DYNC1H1: variants seen among roughly 807,000 people sequenced by gnomAD.
DYNC1H1 encodes dynein cytoplasmic 1 heavy chain 1.
A neutral mutation model predicts 527.1 loss-of-function variants in DYNC1H1; 51 were observed. The observed-to-expected ratio is 0.10, with a 90% CI of 0.08 to 0.12. The LOEUF (loss-of-function observed/expected upper bound fraction) is 0.12. DYNC1H1 is among the 10% of genes least tolerant of loss of function. DYNC1H1 has a pLI of 1.00. For missense variants in DYNC1H1, 2,771 were observed against 5,971.8 expected (o/e 0.46, Z 17.66); for synonymous variants, 2,189 against 2,278.8 (o/e 0.96, Z 1.12).
intron 23 of DYNC1H1, 89 bp downstream of exon 23, chr14:102,003,054 G>C: frequency 6.4e-7 from 1 of 1,561,178 alleles, no homozygotes; most frequent in Non-Finnish European, 8.7e-7. Context: ...CTGGGCCTGT[G>C]TTTGTTAGTT....
rs1309179811 is a variant in DYNC1H1 at position 102,040,693 on chromosome 14, T to A, written c.11941+20T>A. On this transcript the variant is annotated intron_variant, in intron 64 of 77. Coordinates refer to ENST00000360184, the MANE Select transcript of DYNC1H1 (RefSeq NM_001376.5). ...CTGCAAGTAAGCCCCACTGTGGTTT[T>A]CTTTCTGGACCTGAATGTAAAGTTG... 1.9e-6 allele frequency: 3 copies of A among 1,613,988 alleles called. No homozygotes were observed. Among genetic ancestry groups the A allele is most frequent in the African/African-American group, 2.7e-5 (2 of 74,922 alleles).
At position 102,003,560 on chromosome 14, in the gene DYNC1H1, C is replaced by T. The variant is rs565535688; in HGVS notation, c.4883+595C>T. Among the ~76,000 whole-genome samples, 3 of 152,306 alleles carry T rather than the reference C, an allele frequency of 2.0e-5. No individual in the cohort carries two copies. In the South Asian group the frequency reaches 6.2e-4, roughly 32 times the overall value. ...ACAGGCATGAGCCACTGCACCCAGCCTCTGACAGTTTTCTAAGTGGCATCT... is the reference window on the plus strand; with the variant it reads ...ACAGGCATGAGCCACTGCACCCAGCTTCTGACAGTTTTCTAAGTGGCATCT... On this transcript the variant is annotated intron_variant, in intron 23 of 77. Transcript: ENST00000360184.
Position 101,965,022 on chromosome 14 carries a change from C to CT in DYNC1H1, c.256+75_256+76insT. 1 of 1,468,358 alleles carries CT rather than the reference C, an allele frequency of 6.8e-7. No individual in the cohort carries two copies. The highest frequency in any genetic ancestry group is 9.2e-7 in the Non-Finnish European group (1 of 1,089,398). The allele number at this position is 1,468,358 out of a possible 1,614,324, so 91.0% of individuals were successfully genotyped here. On this transcript the variant is annotated intron_variant, in intron 1 of 77. Coordinates refer to ENST00000360184, the MANE Select transcript of DYNC1H1 (RefSeq NM_001376.5). The surrounding 1 kb of genome is among the most constrained non-coding windows in gnomAD (Gnocchi z 4.1). The stretch of plus-strand genomic sequence containing the variant: ...CAGGGCCTGCCAGGTCCTCCGGGGT[C>CT]GCAGATGTCCCCGGGATGGGAGGAG...
rs57229386 is a variant in DYNC1H1 at position 102,013,248 on chromosome 14, CAAAAAAA to C, written c.7014+796_7014+802del. On this transcript the variant is annotated intron_variant, in intron 34 of 77. Transcript: ENST00000360184. ...TGGGCGACAGAGAGAGACTCCGTCT[CAAAAAAA>C]AAAAAAAAAAAAAAAAAGGCAGGAA... Among the ~76,000 whole-genome samples the C allele has an allele frequency of 7.0e-4, 29 of 41,312 alleles. No homozygotes were observed. The East Asian group carries it at 0.018, about 26-fold the overall frequency. 27.1% of individuals were successfully genotyped at this position (41,312 alleles called of 152,430 possible). A position where few individuals can be genotyped will look rare whatever the true frequency, so the allele number is the denominator to read the frequency against.
intron 11 of DYNC1H1, among the ~76,000 whole-genome samples, chr14:101,993,198 C>T (rs771259051): frequency 5.9e-5 from 9 of 152,080 alleles, no homozygotes; most frequent in African/African-American, 9.7e-5. Context: ...GTCCTTGATT[C>T]CCATTGTGTG....
chr14:101,991,237 G>C (rs2047995246), intron 10 of DYNC1H1, among the ~76,000 whole-genome samples: 1 of 152,128 alleles, frequency 6.6e-6, no homozygotes. Flanking sequence ...ACTTTGGGAG[G>C]CTGAAGCGGG....
At chr14:102,023,163 G>T in intron 43 of DYNC1H1, 2 of 412,590 alleles carry the variant, frequency 4.8e-6, no homozygotes, top group Admixed American at 3.3e-5. Flanking sequence ...AACTTGGGAG[G>T]CTTGAGCCCA....
chr14:102,032,216 G>A, intron 51 of DYNC1H1, 56 bp from the exon 52 acceptor site: 1 of 1,608,612 alleles, frequency 6.2e-7, no homozygotes, highest in Non-Finnish European at 8.5e-7. Context: ...TTCTCACCAT[G>A]CTTTGCTCTA....
At position 102,049,925 on chromosome 14, in the gene DYNC1H1, C is replaced by A. The variant is rs45540432; in HGVS notation, c.13684+43C>A. On this transcript the variant is annotated intron_variant, in intron 76 of 77. Coordinates refer to ENST00000360184, the MANE Select transcript of DYNC1H1 (RefSeq NM_001376.5). This position sits in a 1 kb window ranked among gnomAD's most constrained non-coding sequence, Gnocchi z 5.5. ...GAAAATACTGGCTCTTTGCAGGTGA[C>A]CTCGGTGGCCTGAGACCATTGTTCC... 5.1e-6 allele frequency: 8 copies of A among 1,555,964 alleles called. No homozygotes were observed. Among genetic ancestry groups the A allele is most frequent in the Non-Finnish European group, 6.9e-6 (8 of 1,162,438 alleles).
Position 102,039,628 on chromosome 14 carries a change from C to A in DYNC1H1, c.11596-10C>A. The A allele has an allele frequency of 1.9e-6, 3 of 1,614,124 alleles. No homozygotes were observed. The highest frequency in any genetic ancestry group is 2.5e-6 in the Non-Finnish European group (3 of 1,180,020). The stretch of plus-strand genomic sequence containing the variant: ...TTATGGAACAACATCGTCTCCTGCT[C>A]TTGTCCCAGGTGGCGTTTAACCGAG... On this transcript the variant is annotated splice_polypyrimidine_tract_variant and intron_variant, in intron 61 of 77. Coordinates refer to ENST00000360184, the MANE Select transcript of DYNC1H1 (RefSeq NM_001376.5). The surrounding 1 kb of genome is among the most constrained non-coding windows in gnomAD (Gnocchi z 7.0).
In DYNC1H1 at chr14:102,010,766, G is replaced by A. The variant is rs904719505; in HGVS notation, c.6432G>A (p.Thr2144=). ...QEILIQSVCE[T]MVPKLVAEDI... ...TTCTGATACAGAGCGTCTGTGAGAC[G>A]ATGGTGCCAAAGCTGGTGGCAGAGG... Residue 2144 remains threonine (T), a synonymous_variant, in exon 32 of 78, where the codon ACG becomes ACA. Coordinates refer to ENST00000360184, the MANE Select transcript of DYNC1H1 (RefSeq NM_001376.5). This position sits in a 1 kb window ranked among gnomAD's most constrained non-coding sequence, Gnocchi z 6.0. 1.9e-6 allele frequency: 3 copies of A among 1,613,316 alleles called. No individual in the cohort carries two copies. The highest frequency in any genetic ancestry group is 2.5e-6 in the Non-Finnish European group (3 of 1,179,922).
intron 16 of DYNC1H1, among the ~76,000 whole-genome samples, chr14:101,998,886 T>TG (rs545030711): frequency 1.3e-3 from 196 of 145,470 alleles, no homozygotes; most frequent in South Asian, 2.2e-3. Flanking sequence ...TTTCTTTTTT[T>TG]TTTTTTTTTT....
chr14:102,048,050 C>G, intron 73 of DYNC1H1, 22 bp downstream of exon 73: 2 of 1,599,250 alleles, frequency 1.3e-6, no homozygotes, highest in Non-Finnish European at 1.7e-6. Context: ...GGTGGCGGGC[C>G]GGCCAGGTCT....
intron 57 of DYNC1H1, chr14:102,037,096 TAA>T (rs879632893): frequency 4.6e-4 from 74 of 159,270 alleles, no homozygotes; most frequent in South Asian, 1.6e-3. Flanking sequence ...GACTGTATCT[TAA>T]AAAAAAAAAA....
At chr14:102,026,433 AT>A in intron 43 of DYNC1H1, 140 bp from the exon 44 acceptor site, 2 of 928,680 alleles carry the variant, frequency 2.2e-6, no homozygotes, top group Non-Finnish European at 3.2e-6. Flanking sequence ...GTGAATTTAT[AT>A]TTTTTTGCTA....
Position 102,002,534 on chromosome 14 carries a change from C to T in DYNC1H1, c.4543-3C>T, listed in dbSNP as rs1351079345. On this transcript the variant is annotated splice_region_variant and splice_polypyrimidine_tract_variant and intron_variant, in intron 21 of 77. Coordinates refer to ENST00000360184, the MANE Select transcript of DYNC1H1 (RefSeq NM_001376.5). The surrounding 1 kb of genome is among the most constrained non-coding windows in gnomAD (Gnocchi z 4.4). ...TTACCTCTCCCTCCTGTCTGCCCAC[C>T]AGGTTTTTGAAGAGGATGCTCTCAG... 1 of 1,613,932 alleles carries T rather than the reference C, an allele frequency of 6.2e-7. No individual in the cohort carries two copies. Among genetic ancestry groups the T allele is most frequent in the Non-Finnish European group, 8.5e-7 (1 of 1,179,960 alleles).
intron 34 of DYNC1H1, among the ~76,000 whole-genome samples, chr14:102,013,444 T>C (rs1376272921): frequency 1.3e-5 from 2 of 150,992 alleles, no homozygotes; most frequent in African/African-American, 4.9e-5. Flanking sequence ...CTTAGGGGAG[T>C]GAGGGAGTAG....
intron 41 of DYNC1H1, among the ~76,000 whole-genome samples, chr14:102,019,078 T>C (rs985451289): frequency 6.6e-6 from 1 of 152,220 alleles, no homozygotes; most frequent in African/African-American, 2.4e-5. Context: ...TGCTGACATT[T>C]CCATGCTTAA....
intron 11 of DYNC1H1, 100 bp from the exon 12 acceptor site, chr14:101,994,084 T>C: frequency 6.3e-7 from 1 of 1,582,916 alleles, no homozygotes; most frequent in Non-Finnish European, 8.7e-7. Flanking sequence ...ATTTTGGTCA[T>C]GAGCTTTTCT....
Sources: gnomAD v4.1 joint callset for allele counts (sites outside exome capture counted in the v4.1 genomes callset) on GRCh38, gnomAD v4.1.1 for gene constraint, Gnocchi (gnomAD v3.1) non-coding constraint, MANE v1.5 for transcripts, NCBI Gene and HGNC (gene_info 2026-07-23, HGNC 2026-07-21) for gene names.